Variants in CAGE1 observed in about 807,000 individuals in gnomAD.
CAGE1 encodes cancer antigen 1, also known as cancer-associated gene 1 protein.
A neutral mutation model predicts 94.9 loss-of-function variants in CAGE1; 66 were observed. The ratio of observed to expected loss-of-function variants is 0.70; its 90% confidence interval spans 0.57 to 0.85. The LOEUF is 0.85. CAGE1 is among the 40% of genes least tolerant of loss of function. CAGE1 has a pLI of 0.00. For synonymous variants in CAGE1, 319 were observed against 321.0 expected, an observed-to-expected ratio of 0.99 and a Z score of 0.07; for missense variants, 865 against 950.4, an observed-to-expected ratio of 0.91 and a Z score of 1.18.
At chr6:7,345,786 G>A (rs970642808) in intron 11 of CAGE1, among the ~76,000 whole-genome samples, 10 of 152,168 alleles carry the variant, frequency 6.6e-5, no homozygotes, top group South Asian at 4.1e-4. Context: ...TTAGCTGGGC[G>A]TCGTGGCAGG....
Position 7,373,758 on chromosome 6 carries a change from A to C in CAGE1, c.1061T>G (p.Ile354Ser). ...ITKQQVFIDV[I>S]NKLKENVEEL... ...TTCAACATTCTCCTTTAGCTTATTG[A>C]TGACATCAATGAACACTTGCTGTTT... The change falls in exon 5 of 14, where the codon ATC becomes AGC. Residue 354 changes from isoleucine (I) to serine (S), a missense_variant. Physicochemically the swap from Ile to Ser is moderately radical, Grantham distance 142. Coordinates refer to ENST00000502583, the MANE Select transcript of CAGE1 (RefSeq NM_001170692.2). 4 of 1,613,542 alleles carry C rather than the reference A, an allele frequency of 2.5e-6. No individual in the cohort carries two copies. In the South Asian group the frequency reaches 4.4e-5, roughly 18 times the overall value.
At chr6:7,327,647 T>C (rs899832540) in intron 13 of CAGE1, among the ~76,000 whole-genome samples, 2 of 152,096 alleles carry the variant, frequency 1.3e-5, no homozygotes, top group African/African-American at 4.8e-5. Flanking sequence ...ATTGATAGTA[T>C]TGGCTGAGCG....
At chr6:7,346,935 C>T (rs1347285318) in intron 11 of CAGE1, among the ~76,000 whole-genome samples, 1 of 152,102 alleles carries the variant, frequency 6.6e-6, no homozygotes, top group Non-Finnish European at 1.5e-5. Flanking sequence ...AGCCTAAATT[C>T]AGATTCTGAC....
intron 12 of CAGE1, chr6:7,331,149 T>C (rs1488046405): frequency 2.2e-5 from 5 of 226,756 alleles, no homozygotes; most frequent in Non-Finnish European, 4.6e-5. Flanking sequence ...CTTTCTTTTT[T>C]TACATCTTTA....
chr6:7,359,439 A>G lies in CAGE1; in HGVS notation c.2194-3310T>C, dbSNP rs138049931. On this transcript the variant is annotated intron_variant, in intron 9 of 13. Coordinates refer to ENST00000502583, the MANE Select transcript of CAGE1 (RefSeq NM_001170692.2). Reference sequence around the variant, plus strand: ...GCCCATGTGTACTGCAGCACAGAGCACAGACACAGACCCACAGAAGTTGTG... The same window carrying G: ...GCCCATGTGTACTGCAGCACAGAGCGCAGACACAGACCCACAGAAGTTGTG... Among the ~76,000 whole-genome samples the G allele has an allele frequency of 2.8e-3, 424 of 152,336 alleles. 4 individuals carry two copies. Among genetic ancestry groups the G allele is most frequent in the African/African-American group, 9.4e-3 (392 of 41,566 alleles).
rs1003933257 is a variant in CAGE1, at chr6:7,378,608, T to C, written c.687+9A>G. The C allele has an allele frequency of 6.4e-7, 1 of 1,560,600 alleles. No homozygotes were observed. The highest frequency in any genetic ancestry group is 1.2e-5 in the South Asian group (1 of 80,654). ...CAAATGGTTTTACAATATTATTGTG[T>C]ACACTTTCCTTACATAAGAAGCTTG... On this transcript the variant is annotated intron_variant, in intron 4 of 13. Coordinates refer to ENST00000502583, the MANE Select transcript of CAGE1 (RefSeq NM_001170692.2).
chr6:7,350,326 T>C (rs896709576), intron 11 of CAGE1, among the ~76,000 whole-genome samples: 2 of 152,122 alleles, frequency 1.3e-5, no homozygotes, highest in African/African-American at 2.4e-5. Flanking sequence ...GCTTCAATAC[T>C]CCACTGACAG....
rs562286403 is a variant in CAGE1, at chr6:7,362,168, G to C, written c.2193+3300C>G. Reference sequence around the variant, plus strand: ...ATTTTAAAGGCTACCAAAATAATAAGTTAGGTAAATGTTTTACGTAATATA... The same window carrying C: ...ATTTTAAAGGCTACCAAAATAATAACTTAGGTAAATGTTTTACGTAATATA... On this transcript the variant is annotated intron_variant, in intron 9 of 13. Coordinates refer to ENST00000502583, the MANE Select transcript of CAGE1 (RefSeq NM_001170692.2). This position sits in a 1 kb window ranked among gnomAD's most constrained non-coding sequence, Gnocchi z 4.1. Among the ~76,000 whole-genome samples the C allele has an allele frequency of 1.1e-4, 17 of 152,332 alleles. No homozygotes were observed. In the South Asian group the frequency reaches 3.5e-3, roughly 32 times the overall value.
In CAGE1 at chr6:7,327,035, A is replaced by C; in HGVS notation, c.2479-136T>G. On this transcript the variant is annotated intron_variant, in intron 13 of 13. Coordinates refer to ENST00000502583, the MANE Select transcript of CAGE1 (RefSeq NM_001170692.2). ...AAGCCTATAGATAGATGAATTCCAC[A>C]GATAATACCAACACTATATTTTGTT... The C allele has an allele frequency of 4.4e-6, 3 of 676,052 alleles. No homozygotes were observed. The South Asian group carries it at 4.9e-5, about 11-fold the overall frequency. 41.9% of individuals were successfully genotyped at this position (676,052 alleles called of 1,614,324 possible).
intron 3 of CAGE1, among the ~76,000 whole-genome samples, chr6:7,384,629 A>G (rs984014010): frequency 2.0e-5 from 3 of 152,188 alleles, no homozygotes; most frequent in Non-Finnish European, 4.4e-5. Context: ...TGATCAATGT[A>G]TCTCATTATA....
intron 11 of CAGE1, among the ~76,000 whole-genome samples, chr6:7,345,307 T>G (rs1759424534): frequency 6.6e-6 from 1 of 152,184 alleles, no homozygotes; most frequent in African/African-American, 2.4e-5. Context: ...TGCAGTTTTA[T>G]TTCTGAACCA....
At chr6:7,374,590 GA>G (rs1195222500) in intron 4 of CAGE1, among the ~76,000 whole-genome samples, 2 of 151,820 alleles carry the variant, frequency 1.3e-5, no homozygotes, top group Non-Finnish European at 1.5e-5. Flanking sequence ...TTTTAGGGGG[GA>G]AAGTTCTCTT....
At chr6:7,380,784 A>T (rs1190499676) in intron 3 of CAGE1, among the ~76,000 whole-genome samples, 1 of 152,168 alleles carries the variant, frequency 6.6e-6, no homozygotes, top group African/African-American at 2.4e-5. Context: ...TTTTGCCCTT[A>T]AAAACAGCAC....
At chr6:7,388,580 T>G (rs1286370427) in intron 1 of CAGE1, among the ~76,000 whole-genome samples, 1 of 152,224 alleles carries the variant, frequency 6.6e-6, no homozygotes, top group Admixed American at 6.5e-5. Context: ...CAGCAAATAT[T>G]GATTGAATAA....
At chr6:7,340,737 G>A (rs1470126831) in intron 11 of CAGE1, 8 of 261,338 alleles carry the variant, frequency 3.1e-5, no homozygotes, top group Non-Finnish European at 5.9e-5. Context: ...CTGGACCAGG[G>A]GCTGACATTA....
chr6:7,382,987 A>C (rs6924736), intron 3 of CAGE1, among the ~76,000 whole-genome samples: 8,263 of 152,230 alleles, frequency 0.054, 354 homozygotes, highest in African/African-American at 0.12. Flanking sequence ...TCCCACCCAA[A>C]TCTCATCTCC....
intron 4 of CAGE1, among the ~76,000 whole-genome samples, chr6:7,377,279 A>G (rs998074847): frequency 6.6e-6 from 1 of 152,210 alleles, no homozygotes; most frequent in Non-Finnish European, 1.5e-5. Context: ...AGGAAAGAAC[A>G]ATCTTGCGAA....
chr6:7,388,032 C>CAAAA (rs70978963), intron 1 of CAGE1, among the ~76,000 whole-genome samples: 2 of 64,940 alleles, frequency 3.1e-5, no homozygotes, highest in Non-Finnish European at 6.0e-5. Context: ...GACTCCATCT[C>CAAAA]AAAAAAAAAA....
intron 11 of CAGE1, chr6:7,341,410 C>A: frequency 1.1e-6 from 1 of 907,208 alleles, no homozygotes; most frequent in Non-Finnish European, 1.8e-6. Context: ...ATGGATTCAT[C>A]AAAAACACAG....
Sources: allele counts gnomAD v4.1 joint callset (sites outside exome capture counted in the v4.1 genomes callset), GRCh38; gene constraint gnomAD v4.1.1; non-coding constraint Gnocchi (gnomAD v3.1); transcripts MANE v1.5; gene names NCBI Gene and HGNC (gene_info 2026-07-23, HGNC 2026-07-21).